The following MBD5 variants were observed in gnomAD, a reference collection of about 807,000 sequenced individuals.
MBD5 encodes the protein methyl-CpG binding domain protein 5, also known as methyl-CpG-binding domain protein 5.
A neutral mutation model predicts 117.3 loss-of-function variants in MBD5; 13 were observed. That is an observed-to-expected ratio of 0.11 (90% CI 0.07 to 0.18). The LOEUF (loss-of-function observed/expected upper bound fraction) is 0.18. MBD5 is among the 10% of genes least tolerant of loss of function. The pLI, the probability that MBD5 is intolerant of heterozygous loss-of-function variation, is 1.00. For missense variants in MBD5, 1,879 were observed against 2,093.8 expected (o/e 0.90, Z 2.00); for synonymous variants, 727 against 766.4 (o/e 0.95, Z 0.85).
chr2:148,200,921 A>G (rs866182382), intron 2 of MBD5, among the ~76,000 whole-genome samples: 1 of 152,210 alleles, frequency 6.6e-6, no homozygotes, highest in South Asian at 2.1e-4. Flanking sequence ...TTTAAAATTC[A>G]TCATTGGAAA....
At chr2:148,135,998 A>T (rs910480798) in intron 1 of MBD5, among the ~76,000 whole-genome samples, 1 of 152,146 alleles carries the variant, frequency 6.6e-6, no homozygotes, top group African/African-American at 2.4e-5. Context: ...TGGTTATCTG[A>T]TGCTTCCTTC....
At chr2:148,063,508 A>T (rs775755823) in intron 1 of MBD5, among the ~76,000 whole-genome samples, 4 of 152,072 alleles carry the variant, frequency 2.6e-5, no homozygotes, top group Non-Finnish European at 5.9e-5. Flanking sequence ...AAAAGCAGCC[A>T]TTGACAATAC....
intron 4 of MBD5, among the ~76,000 whole-genome samples, chr2:148,404,092 T>A (rs1269761867): frequency 6.6e-6 from 1 of 151,922 alleles, no homozygotes; most frequent in Admixed American, 6.6e-5. Context: ...CTTCTGTGCA[T>A]GCCTGATCAT....
chr2:148,513,385 C>A lies in MBD5; in HGVS notation c.*444C>A. 5.8e-6 allele frequency: 1 copy of A among 171,864 alleles called. No individual in the cohort carries two copies. Among genetic ancestry groups the A allele is most frequent in the South Asian group, 1.4e-4 (1 of 7,274 alleles). 10.6% of individuals were successfully genotyped at this position (171,864 alleles called of 1,614,324 possible). On this transcript the variant is annotated 3_prime_UTR_variant, in exon 14 of 14. Coordinates refer to ENST00000642680, the MANE Select transcript of MBD5 (RefSeq NM_001378120.1). Reference sequence around the variant, plus strand: ...GTACAAAGAAATAGTGTACAAAATTCTTTGGTTTCTATGGAGTACACCTAC... The same window carrying A: ...GTACAAAGAAATAGTGTACAAAATTATTTGGTTTCTATGGAGTACACCTAC...
chr2:148,151,404 T>G (rs1286099762), intron 1 of MBD5, among the ~76,000 whole-genome samples: 1 of 152,164 alleles, frequency 6.6e-6, no homozygotes, highest in Non-Finnish European at 1.5e-5. Context: ...TAAAATTCTC[T>G]TTTTTGGTTG....
Position 148,423,349 on chromosome 2 carries a change from A to G in MBD5, c.-556-34854A>G, listed in dbSNP as rs186288973. Among the ~76,000 whole-genome samples, 58 of 152,294 alleles carry G rather than the reference A, an allele frequency of 3.8e-4. No homozygotes were observed. The East Asian group carries it at 6.4e-3, about 17-fold the overall frequency. ...ATATTTAATTATGTTTTTAAAGCAC[A>G]TGAATTCTTTACATTTCAATAAAAT... On this transcript the variant is annotated intron_variant, in intron 4 of 13. Coordinates refer to ENST00000642680, the MANE Select transcript of MBD5 (RefSeq NM_001378120.1).
intron 4 of MBD5, among the ~76,000 whole-genome samples, chr2:148,449,219 A>G (rs1477029601): frequency 6.6e-6 from 1 of 152,050 alleles, no homozygotes; most frequent in Non-Finnish European, 1.5e-5. Context: ...TTTTGGCTTT[A>G]AAGAAAGGAA....
chr2:148,122,577 G>C (rs1303919396), intron 1 of MBD5, among the ~76,000 whole-genome samples: 1 of 152,130 alleles, frequency 6.6e-6, no homozygotes, highest in Non-Finnish European at 1.5e-5. Flanking sequence ...GAGTTACTTA[G>C]AAAATTGGTT....
At chr2:148,186,747 G>C (rs1253294038) in intron 2 of MBD5, among the ~76,000 whole-genome samples, 1 of 152,148 alleles carries the variant, frequency 6.6e-6, no homozygotes, top group Non-Finnish European at 1.5e-5. Context: ...AACCTTGATA[G>C]TGATCAGCAT....
chr2:148,150,848 C>A (rs1184533060), intron 1 of MBD5, among the ~76,000 whole-genome samples: 1 of 152,134 alleles, frequency 6.6e-6, no homozygotes, highest in Non-Finnish European at 1.5e-5. Flanking sequence ...TGGGCTGAGA[C>A]AATGGGGTGT....
chr2:148,141,396 T>C (rs1481683142), intron 1 of MBD5, among the ~76,000 whole-genome samples: 2 of 152,170 alleles, frequency 1.3e-5, no homozygotes, highest in Non-Finnish European at 2.9e-5. Context: ...TACCCACTCA[T>C]TTCCTTTTGG....
intron 1 of MBD5, among the ~76,000 whole-genome samples, chr2:148,038,416 T>C (rs1694255985): frequency 1.3e-5 from 2 of 151,580 alleles, no homozygotes; most frequent in African/African-American, 4.8e-5. Context: ...ATCTCATCTC[T>C]ACAAAAACTT....
In MBD5 at chr2:148,483,165, C is replaced by T. The variant is rs1418043159; in HGVS notation, c.2574C>T (p.Ile858=). Residue 858 remains isoleucine (I), a synonymous_variant, in exon 9 of 14, where the codon ATC becomes ATT. Transcript: ENST00000642680. ...IAIAGTNHPA[I]TKTTSVLQDG... ...TAGCGGGCACCAACCACCCTGCCAT[C>T]ACAAAGACAACATCTGTTCTTCAAG... 6.2e-7 allele frequency: 1 copy of T among 1,613,452 alleles called. No homozygotes were observed. Among genetic ancestry groups the T allele is most frequent in the Admixed American group, 1.7e-5 (1 of 59,960 alleles).
chr2:148,037,507 A>G (rs758499809), intron 1 of MBD5, among the ~76,000 whole-genome samples: 2 of 151,958 alleles, frequency 1.3e-5, no homozygotes, highest in Non-Finnish European at 2.9e-5. Context: ...CTTGTGAAAA[A>G]TATTATTATC....
intron 3 of MBD5, among the ~76,000 whole-genome samples, chr2:148,286,762 G>A (rs1259704976): frequency 6.6e-6 from 1 of 152,044 alleles, no homozygotes; most frequent in Non-Finnish European, 1.5e-5. Context: ...GCCAGGACAA[G>A]GAATCTAAAT....
At chr2:148,195,732 A>T (rs559577075) in intron 2 of MBD5, among the ~76,000 whole-genome samples, 1 of 152,304 alleles carries the variant, frequency 6.6e-6, no homozygotes, top group Admixed American at 6.5e-5. Flanking sequence ...TTATAATCCA[A>T]TACCAAAAAA....
chr2:148,206,882 A>ATG (rs1558972486), intron 2 of MBD5, among the ~76,000 whole-genome samples: 1 of 151,534 alleles, frequency 6.6e-6, no homozygotes, highest in Non-Finnish European at 1.5e-5. Context: ...ATAGCATGGC[A>ATG]TCAATAATTG....
Position 148,251,994 on chromosome 2 carries a change from G to A in MBD5, c.-680+18599G>A, listed in dbSNP as rs369531909. On this transcript the variant is annotated intron_variant, in intron 3 of 13. Transcript: ENST00000642680. ...CAAGTGTGGTAAATTTTGTTTTCCCGCACCTCACTCCTGCCAGAGACAGTT... is the reference window on the plus strand; with the variant it reads ...CAAGTGTGGTAAATTTTGTTTTCCCACACCTCACTCCTGCCAGAGACAGTT... Among the ~76,000 whole-genome samples the A allele has an allele frequency of 6.6e-5, 10 of 152,180 alleles. No individual in the cohort carries two copies. The East Asian group carries it at 1.5e-3, about 24-fold the overall frequency.
At chr2:148,156,684 C>T (rs1053410565) in intron 1 of MBD5, among the ~76,000 whole-genome samples, 3 of 152,112 alleles carry the variant, frequency 2.0e-5, no homozygotes, top group East Asian at 1.9e-4. Context: ...TTTAGCATAG[C>T]GCCTTTCACT....
Sources: gnomAD v4.1 joint callset for allele counts (sites outside exome capture counted in the v4.1 genomes callset) on GRCh38, gnomAD v4.1.1 for gene constraint, MANE v1.5 for transcripts, NCBI Gene and HGNC (gene_info 2026-07-23, HGNC 2026-07-21) for gene names.